The following PLEKHA6 variants were observed in gnomAD, a reference collection of about 807,000 sequenced individuals.
The protein encoded by PLEKHA6 is pleckstrin homology domain containing A6.
PLEKHA6 carries 60 observed loss-of-function variants against 116.7 expected under a neutral mutation model. The observed-to-expected ratio is 0.51, with a 90% CI of 0.42 to 0.64. The LOEUF (loss-of-function observed/expected upper bound fraction) is 0.64, where lower values mean the gene tolerates loss of function less well. PLEKHA6 is among the 30% of genes least tolerant of loss of function. The probability of loss-of-function intolerance (pLI) is 0.00; values close to 1 mark genes in which losing one functional copy is unlikely to be tolerated. For synonymous variants in PLEKHA6, 489 were observed against 556.1 expected (o/e 0.88, Z 1.70); for missense variants, 1,338 against 1,422.7 (o/e 0.94, Z 0.96).
Position 204,245,020 on chromosome 1 carries a change from G to A in PLEKHA6, c.2033-17C>T, listed in dbSNP as rs1478573217. 8 of 1,404,920 alleles carry A rather than the reference G, an allele frequency of 5.7e-6. No homozygotes were observed. Among genetic ancestry groups the A allele is most frequent in the Non-Finnish European group, 7.4e-6 (8 of 1,076,072 alleles). 87.0% of individuals were successfully genotyped at this position (1,404,920 alleles called of 1,614,324 possible). On this transcript the variant is annotated splice_polypyrimidine_tract_variant and intron_variant, in intron 14 of 22. Transcript: ENST00000272203. ...CAAGTCCTCCTTGGGGGAAACAAGG[G>A]GATGGGTGAGCAATGGAGGAGGGGT...
intron 15 of PLEKHA6, among the ~76,000 whole-genome samples, chr1:204,244,178 C>T (rs1490638341): frequency 1.3e-5 from 2 of 151,934 alleles, no homozygotes; most frequent in African/African-American, 4.8e-5. Context: ...TGTCACCAGG[C>T]TGAAGTACAG....
At chr1:204,254,959 C>T (rs771448110) in intron 9 of PLEKHA6, among the ~76,000 whole-genome samples, 56 of 152,128 alleles carry the variant, frequency 3.7e-4, no homozygotes, top group African/African-American at 1.2e-3. Flanking sequence ...GTTAGAACCC[C>T]GGAGCAGAGA....
rs1665737295 is a variant in PLEKHA6 at position 204,259,037 on chromosome 1, CA to C, written c.1007+220del. Among the ~76,000 whole-genome samples, 2 of 152,300 alleles carry C rather than the reference CA, an allele frequency of 1.3e-5. No individual in the cohort carries two copies. Among genetic ancestry groups the C allele is most frequent in the South Asian group, 4.1e-4 (2 of 4,822 alleles). ...TGTCCCTTCTTCTGAAGGAAGCAGA[CA>C]AAGAAACCAAGAATCAGGGACAGCA... On this transcript the variant is annotated intron_variant, in intron 8 of 22. Coordinates refer to ENST00000272203, the MANE Select transcript of PLEKHA6 (RefSeq NM_014935.5). This position sits in a 1 kb window ranked among gnomAD's most constrained non-coding sequence, Gnocchi z 4.6.
chr1:204,256,432 A>G (rs1665297324), intron 9 of PLEKHA6, among the ~76,000 whole-genome samples: 1 of 152,132 alleles, frequency 6.6e-6, no homozygotes, highest in Admixed American at 6.5e-5. Flanking sequence ...ACAAACATGA[A>G]ATAACTATGC....
chr1:204,274,338 T>C (rs982173583), intron 2 of PLEKHA6, among the ~76,000 whole-genome samples: 10 of 152,294 alleles, frequency 6.6e-5, no homozygotes, highest in Non-Finnish European at 1.5e-4. Context: ...TTAATTATCC[T>C]CTTTTCTTTT....
rs958863511 is a variant in PLEKHA6 at position 204,238,894 on chromosome 1, T to G, written c.2409+2481A>C. Among the ~76,000 whole-genome samples, 1 of 152,226 alleles carries G rather than the reference T, an allele frequency of 6.6e-6. No homozygotes were observed. The highest frequency in any genetic ancestry group is 1.9e-4 in the East Asian group (1 of 5,198). Reference sequence around the variant, plus strand: ...GAACTTCAAGCAGTGCACCTGGCTGTGCACTTTGCATGGAAGGAGAAATGG... The same window carrying G: ...GAACTTCAAGCAGTGCACCTGGCTGGGCACTTTGCATGGAAGGAGAAATGG... On this transcript the variant is annotated intron_variant, in intron 17 of 22. Transcript: ENST00000272203. This position sits in a 1 kb window ranked among gnomAD's most constrained non-coding sequence, Gnocchi z 4.2.
intron 17 of PLEKHA6, among the ~76,000 whole-genome samples, chr1:204,239,343 C>T (rs1662485838): frequency 6.6e-6 from 1 of 152,176 alleles, no homozygotes; most frequent in Non-Finnish European, 1.5e-5. Context: ...AACATTGAGC[C>T]CTTGATATGG....
intron 1 of PLEKHA6, among the ~76,000 whole-genome samples, chr1:204,293,802 C>T (rs576862851): frequency 7.6e-4 from 115 of 152,214 alleles, no homozygotes; most frequent in Non-Finnish European, 1.2e-3. Context: ...TGAGGAAAGA[C>T]GGGACAAGGC....
At chr1:204,357,841 T>C (rs957343597) in intron 1 of PLEKHA6, among the ~76,000 whole-genome samples, 1 of 152,234 alleles carries the variant, frequency 6.6e-6, no homozygotes, top group African/African-American at 2.4e-5. Context: ...AGCCCGAGGC[T>C]GCAGGCTGGG....
Position 204,249,242 on chromosome 1 carries a change from T to G in PLEKHA6, c.1616A>C (p.Glu539Ala), listed in dbSNP as rs1360023290. The G allele has an allele frequency of 8.1e-6, 13 of 1,613,516 alleles. No homozygotes were observed. The highest frequency in any genetic ancestry group is 1.1e-5 in the Non-Finnish European group (13 of 1,179,568). The change falls in exon 11 of 23, where the codon GAG becomes GCG. Residue 539 changes from glutamate (E) to alanine (A), a missense_variant. Around this residue, in one of 3 missense-constraint regions of PLEKHA6, gnomAD observed 1,136 missense variants for 1,163.6 expected, o/e 0.98. Coordinates refer to ENST00000272203, the MANE Select transcript of PLEKHA6 (RefSeq NM_014935.5). ...CTGCTCCCTCACCACCTTGTTCTGC[T>G]CACACAATTTTCCCAGCAGCTTCTA... is the stretch of plus-strand genomic sequence containing the variant. ...DTDKLLGKLC[E>A]QNKVVREQDR...
intron 9 of PLEKHA6, chr1:204,256,921 T>C: frequency 3.3e-6 from 2 of 600,288 alleles, no homozygotes; most frequent in Non-Finnish European, 6.0e-6. Flanking sequence ...AGGTGAGGGG[T>C]CTGGCTGGGA....
At chr1:204,324,918 A>T (rs1204212942) in intron 1 of PLEKHA6, among the ~76,000 whole-genome samples, 2 of 151,868 alleles carry the variant, frequency 1.3e-5, no homozygotes, top group Non-Finnish European at 2.9e-5. Flanking sequence ...AATTTTATTT[A>T]TTTATTTATT....
At chr1:204,299,311 C>A (rs932232436) in intron 1 of PLEKHA6, among the ~76,000 whole-genome samples, 2 of 152,148 alleles carry the variant, frequency 1.3e-5, no homozygotes, top group Non-Finnish European at 2.9e-5. Flanking sequence ...GAAAAGGGTG[C>A]TGGGAGGCTG....
In PLEKHA6 at chr1:204,261,202, T is replaced by C. The variant is rs1365858628; in HGVS notation, c.524+104A>G. On this transcript the variant is annotated intron_variant, in intron 7 of 22. Transcript: ENST00000272203. The surrounding 1 kb of genome is among the most constrained non-coding windows in gnomAD (Gnocchi z 4.0). Reference sequence around the variant, plus strand: ...AGACGGCTCACACATTCTCCAGGGCTTCAAGTAGGCACACTGGGATTAGCA... The same window carrying C: ...AGACGGCTCACACATTCTCCAGGGCCTCAAGTAGGCACACTGGGATTAGCA... The C allele has an allele frequency of 1.2e-5, 16 of 1,382,384 alleles. No individual in the cohort carries two copies. The highest frequency in any genetic ancestry group is 1.5e-5 in the Non-Finnish European group (15 of 973,700). The allele number at this position is 1,382,384 out of a possible 1,614,324, so 85.6% of individuals were successfully genotyped here.
chr1:204,221,320 G>A lies in PLEKHA6; in HGVS notation c.*1468C>T, dbSNP rs1659614032. 1 of 152,700 alleles carries A rather than the reference G, an allele frequency of 6.5e-6. No homozygotes were observed. The highest frequency in any genetic ancestry group is 1.5e-5 in the Non-Finnish European group (1 of 68,062). 9.5% of individuals were successfully genotyped at this position (152,700 alleles called of 1,614,324 possible). On this transcript the variant is annotated 3_prime_UTR_variant, in exon 23 of 23. Coordinates refer to ENST00000272203, the MANE Select transcript of PLEKHA6 (RefSeq NM_014935.5). ...GTAGGTGTTCTTGGGACCGCTGGAA[G>A]TCAGGCTGAAGCCTCTGAGCGGCAA...
upstream of PLEKHA6, among the ~76,000 whole-genome samples, chr1:204,360,266 C>A (rs1275317302): frequency 6.6e-6 from 1 of 152,308 alleles, no homozygotes; most frequent in East Asian, 1.9e-4. Context: ...ATGTGTGGGG[C>A]CTCACCCAGC....
At chr1:204,256,631 T>C (rs1571912877) in intron 9 of PLEKHA6, among the ~76,000 whole-genome samples, 1 of 152,112 alleles carries the variant, frequency 6.6e-6, no homozygotes, top group South Asian at 2.1e-4. Context: ...AACTTGATAC[T>C]GGGGCTAGAG....
intron 1 of PLEKHA6, among the ~76,000 whole-genome samples, chr1:204,332,120 A>G (rs1672475780): frequency 6.6e-6 from 1 of 152,168 alleles, no homozygotes; most frequent in African/African-American, 2.4e-5. Context: ...TCAAGGAGCC[A>G]AAAGGAGCCT....
intron 1 of PLEKHA6, among the ~76,000 whole-genome samples, chr1:204,293,382 G>T (rs1447647059): frequency 6.6e-6 from 1 of 152,044 alleles, no homozygotes; most frequent in African/African-American, 2.4e-5. Flanking sequence ...TGATCCGCCC[G>T]CCTTGGCCTC....
Sources: allele counts gnomAD v4.1 joint callset (sites outside exome capture counted in the v4.1 genomes callset), GRCh38; gene constraint gnomAD v4.1.1; regional missense constraint gnomAD v4.1.1; non-coding constraint Gnocchi (gnomAD v3.1); transcripts MANE v1.5; gene names NCBI Gene and HGNC (gene_info 2026-07-23, HGNC 2026-07-21).